MAGI1: variants seen among roughly 807,000 people sequenced by gnomAD.
MAGI1 encodes membrane-associated guanylate kinase, WW and PDZ domain-containing protein 1.
MAGI1 carries 58 observed loss-of-function variants against 139.9 expected under a neutral mutation model. The observed-to-expected ratio is 0.41, with a 90% CI of 0.34 to 0.52. MAGI1 has a LOEUF of 0.52. Among genes scored for constraint, MAGI1 ranks in the 20% least tolerant of loss-of-function variants. The pLI, the probability that MAGI1 is intolerant of heterozygous loss-of-function variation, is 0.12. For synonymous variants in MAGI1, 812 were observed against 737.9 expected, an observed-to-expected ratio of 1.10 and a Z score of -1.63; for missense variants, 1,874 against 1,901.6, an observed-to-expected ratio of 0.99 and a Z score of 0.27.
intron 1 of MAGI1, among the ~76,000 whole-genome samples, chr3:65,962,197 A>G (rs111897425): frequency 0.07 from 10,018 of 143,060 alleles, 433 homozygotes; most frequent in Middle Eastern, 0.12. Context: ...ATCTCCGTTC[A>G]CTGCAAGCTC....
intron 1 of MAGI1, among the ~76,000 whole-genome samples, chr3:65,772,609 G>C (rs114924020): frequency 6.6e-6 from 1 of 152,216 alleles, no homozygotes; most frequent in Non-Finnish European, 1.5e-5. Context: ...AGAACACTTC[G>C]TGAGAGTGAA....
At chr3:65,816,584 T>C (rs1049131744) in intron 1 of MAGI1, among the ~76,000 whole-genome samples, 3 of 151,340 alleles carry the variant, frequency 2.0e-5, no homozygotes, top group African/African-American at 7.3e-5. Flanking sequence ...ACATGACCGA[T>C]TGTCCAAAAT....
chr3:65,480,968 C>T (rs952880737), intron 3 of MAGI1, among the ~76,000 whole-genome samples: 2 of 152,110 alleles, frequency 1.3e-5, no homozygotes, highest in African/African-American at 4.8e-5. Context: ...TAGAGATACA[C>T]ACCCACTTTC....
At chr3:65,837,475 A>G (rs925752596) in intron 1 of MAGI1, among the ~76,000 whole-genome samples, 4 of 152,146 alleles carry the variant, frequency 2.6e-5, no homozygotes, top group Non-Finnish European at 4.4e-5. Flanking sequence ...AAGTCAGATG[A>G]CCATTATATC....
intron 2 of MAGI1, among the ~76,000 whole-genome samples, chr3:65,605,134 T>A (rs541083826): frequency 6.6e-6 from 1 of 152,202 alleles, no homozygotes; most frequent in East Asian, 1.9e-4. Flanking sequence ...AGGGATGTCA[T>A]AACGACCCTT....
chr3:65,423,836 C>T (rs7428806), intron 12 of MAGI1, among the ~76,000 whole-genome samples: 22,684 of 152,252 alleles, frequency 0.15, 2,973 homozygotes, highest in East Asian at 0.66. Context: ...GCCTGGCACA[C>T]TGTAGAAGCA....
intron 2 of MAGI1, among the ~76,000 whole-genome samples, chr3:65,589,018 A>T (rs1475956288): frequency 6.6e-6 from 1 of 152,208 alleles, no homozygotes; most frequent in African/African-American, 2.4e-5. Flanking sequence ...GCTTAAGAAG[A>T]GAACCATCTA....
At chr3:65,961,702 C>T (rs1560058372) in intron 1 of MAGI1, among the ~76,000 whole-genome samples, 1 of 152,174 alleles carries the variant, frequency 6.6e-6, no homozygotes, top group Admixed American at 6.5e-5. Context: ...TCCTTGTATT[C>T]AGCGCAGTCA....
At position 65,486,119 on chromosome 3, in the gene MAGI1, A is replaced by G. The variant is rs143204977; in HGVS notation, c.551-7321T>C. On this transcript the variant is annotated intron_variant, in intron 3 of 22. Coordinates refer to ENST00000402939, the MANE Select transcript of MAGI1 (RefSeq NM_001033057.2). ...AGAAACAAGAACTCTCTTCACCCCT[A>G]TTTTATCTCTGTGTCCCCAAAAATT... Among the ~76,000 whole-genome samples the G allele has an allele frequency of 5.5e-3, 833 of 152,214 alleles. 10 individuals carry two copies. The highest frequency in any genetic ancestry group is 0.019 in the African/African-American group (796 of 41,546).
At chr3:65,445,367 C>G (rs1038559142) in intron 7 of MAGI1, among the ~76,000 whole-genome samples, 11 of 152,146 alleles carry the variant, frequency 7.2e-5, no homozygotes, top group African/African-American at 2.7e-4. Flanking sequence ...GGCAGCTGTT[C>G]CAGGAAAGCA....
At chr3:65,697,102 A>G (rs539407705) in intron 1 of MAGI1, among the ~76,000 whole-genome samples, 47 of 152,280 alleles carry the variant, frequency 3.1e-4, no homozygotes, top group Admixed American at 1.1e-3. Context: ...ACACCTCTAC[A>G]CAAATAAACT....
chr3:65,410,136 C>A (rs11131017), intron 12 of MAGI1, among the ~76,000 whole-genome samples: 6 of 152,096 alleles, frequency 3.9e-5, no homozygotes, highest in Admixed American at 2.0e-4. Flanking sequence ...TGAATTGTCT[C>A]CATGCAATTC....
chr3:66,031,680 G>C (rs1313049900), intron 1 of MAGI1, among the ~76,000 whole-genome samples: 3 of 144,918 alleles, frequency 2.1e-5, no homozygotes, highest in Admixed American at 1.4e-4. Flanking sequence ...ATTTTTGAAA[G>C]TTTAAGTTAA....
chr3:65,509,033 T>C (rs929146217), intron 2 of MAGI1, among the ~76,000 whole-genome samples: 1 of 152,164 alleles, frequency 6.6e-6, no homozygotes, highest in Admixed American at 6.5e-5. Context: ...TACAAGAAGT[T>C]TTCACCAGAT....
intron 1 of MAGI1, among the ~76,000 whole-genome samples, chr3:66,035,463 G>T (rs2068863477): frequency 6.6e-6 from 1 of 152,186 alleles, no homozygotes. Context: ...GAGCAATTCT[G>T]TCATACAATC....
At chr3:65,858,611 G>A (rs60155830) in intron 1 of MAGI1, among the ~76,000 whole-genome samples, 35,855 of 152,104 alleles carry the variant, frequency 0.24, 4,720 homozygotes, top group Middle Eastern at 0.3. Flanking sequence ...CTCATCACAG[G>A]ATCTAATTAT....
intron 1 of MAGI1, among the ~76,000 whole-genome samples, chr3:65,807,304 CT>C (rs1275475444): frequency 6.6e-6 from 1 of 152,162 alleles, no homozygotes. Context: ...TTCATCTCTG[CT>C]TTCAAAACAG....
At chr3:65,952,562 C>G (rs1442575889) in intron 1 of MAGI1, among the ~76,000 whole-genome samples, 2 of 152,194 alleles carry the variant, frequency 1.3e-5, no homozygotes, top group Admixed American at 6.5e-5. Flanking sequence ...CGCCTGTAAT[C>G]CCAACACTTT....
intron 4 of MAGI1, among the ~76,000 whole-genome samples, chr3:65,477,048 A>G (rs186702922): frequency 4.6e-5 from 7 of 152,312 alleles, no homozygotes; most frequent in African/African-American, 1.7e-4. Context: ...CTAGCGAGTC[A>G]TTTTACATAT....
Sources: allele counts gnomAD v4.1 joint callset (sites outside exome capture counted in the v4.1 genomes callset), GRCh38; gene constraint gnomAD v4.1.1; transcripts MANE v1.5; gene names NCBI Gene and HGNC (gene_info 2026-07-23, HGNC 2026-07-21).